Variants in AGAP5 observed in about 807,000 individuals in gnomAD.
AGAP5 encodes ArfGAP with GTPase domain, ankyrin repeat and PH domain 5, also known as arf-GAP with GTPase, ANK repeat and PH domain-containing protein 5.
In AGAP5, 8 loss-of-function variants were observed where a neutral mutation model predicts 27.7. The observed-to-expected ratio is 0.29, with a 90% CI of 0.17 to 0.52. The LOEUF is 0.52. Ranked by LOEUF, AGAP5 falls within the 20% of genes least tolerant of loss-of-function variation. The probability of loss-of-function intolerance (pLI) is 0.97; values close to 1 mark genes in which losing one functional copy is unlikely to be tolerated. For missense variants in AGAP5, 285 were observed against 880.8 expected (o/e 0.32, Z 8.56); for synonymous variants, 111 against 338.0 (o/e 0.33, Z 7.37).
intron 2 of AGAP5, among the ~76,000 whole-genome samples, chr10:73,695,690 T>G (rs1265030646): frequency 1.3e-5 from 2 of 152,136 alleles, no homozygotes; most frequent in Non-Finnish European, 2.9e-5. Flanking sequence ...GAGTCTTAAT[T>G]ATCCTACCTC....
Position 73,674,702 on chromosome 10 carries a change from C to T in AGAP5, c.1958G>A (p.Arg653Gln), listed in dbSNP as rs748253896. 3.5e-5 allele frequency: 57 copies of T among 1,611,912 alleles called. No homozygotes were observed. The East Asian group carries it at 5.6e-4, about 16-fold the overall frequency. The change falls in exon 8 of 8, where the codon CGA becomes CAA. Residue 653 changes from arginine (R) to glutamine (Q), a missense_variant. Transcript: ENST00000374094. ...LIWYGVDVMA[R>Q]DAHGNTALTY... ...CAGCGCTGTGTTCCCGTGGGCATCT[C>T]GGGCCATGACGTCCACCCCGTACCA...
At chr10:73,694,631 G>C (rs922644606) in intron 3 of AGAP5, 105 bp downstream of exon 3, 25 of 1,590,874 alleles carry the variant, frequency 1.6e-5, no homozygotes, top group Non-Finnish European at 1.9e-5. Context: ...CATGTGAAAG[G>C]GTGAAAAATT....
In AGAP5 at chr10:73,676,301, AAAAAAAAG is replaced by A. The variant is rs1241206787; in HGVS notation, c.586-235_586-228del. 1.9e-3 allele frequency among the ~76,000 whole-genome samples: 262 copies of A among 139,946 alleles called. 2 individuals carry two copies. In the East Asian group the frequency reaches 0.022, roughly 12 times the overall value. The allele number at this position is 139,946 out of a possible 152,430, so 91.8% of individuals were successfully genotyped here. A position where few individuals can be genotyped will look rare whatever the true frequency, so the allele number is the denominator to read the frequency against. ...GAAACCCTGTCTTTACAAAAAAAAA[AAAAAAAAG>A]AAAAGAAAAAAGAAAAAAAAATTAG... On this transcript the variant is annotated intron_variant, in intron 7 of 7. Coordinates refer to ENST00000374094, the MANE Select transcript of AGAP5 (RefSeq NM_001144000.4).
At chr10:73,692,120 C>T (rs748271137) in intron 3 of AGAP5, 43 bp from the exon 4 acceptor site, 15 of 1,460,140 alleles carry the variant, frequency 1.0e-5, no homozygotes, top group African/African-American at 1.4e-5. Context: ...ATACAAATAC[C>T]ATAAAATAAA....
intron 3 of AGAP5, 80 bp downstream of exon 3, chr10:73,694,656 T>C (rs1432257486): frequency 4.4e-6 from 7 of 1,589,370 alleles, no homozygotes; most frequent in African/African-American, 1.3e-5. Flanking sequence ...CCAATATGAG[T>C]TTTTCTAAAT....
intron 2 of AGAP5, among the ~76,000 whole-genome samples, chr10:73,696,055 C>G (rs2082159205): frequency 6.6e-6 from 1 of 152,100 alleles, no homozygotes; most frequent in South Asian, 2.1e-4. Flanking sequence ...CTCTGTCACC[C>G]AGGCTGGAGT....
chr10:73,689,443 CG>C (rs1444745740), intron 4 of AGAP5, among the ~76,000 whole-genome samples: 1 of 6,348 alleles, frequency 1.6e-4, no homozygotes, highest in African/African-American at 4.8e-4. Context: ...TCTGCCTGGC[CG>C]CCCCATCGTC....
chr10:73,686,537 GA>G (rs1287890161), intron 4 of AGAP5, among the ~76,000 whole-genome samples: 2 of 152,156 alleles, frequency 1.3e-5, no homozygotes, highest in East Asian at 3.8e-4. Context: ...AAATGCAACA[GA>G]AACAAATAGG....
intron 7 of AGAP5, among the ~76,000 whole-genome samples, chr10:73,676,291 C>A (rs1173126184): frequency 8.5e-3 from 608 of 71,340 alleles, no homozygotes; most frequent in South Asian, 0.012. Flanking sequence ...CCTGTCTTTA[C>A]AAAAAAAAAA....
intron 4 of AGAP5, among the ~76,000 whole-genome samples, chr10:73,685,999 T>C (rs2132449562): frequency 6.6e-6 from 1 of 152,194 alleles, no homozygotes; most frequent in Non-Finnish European, 1.5e-5. Context: ...ATCTATAAAT[T>C]CAATGCAACT....
chr10:73,689,924 G>A (rs1462381394), intron 4 of AGAP5, among the ~76,000 whole-genome samples: 6 of 149,798 alleles, frequency 4.0e-5, no homozygotes, highest in East Asian at 4.0e-4. Flanking sequence ...CTGCCCGGCC[G>A]CCCCTACTGG....
chr10:73,689,157 T>C (rs1188648922), intron 4 of AGAP5, among the ~76,000 whole-genome samples: 1 of 152,230 alleles, frequency 6.6e-6, no homozygotes, highest in Non-Finnish European at 1.5e-5. Flanking sequence ...TGACTGGTGT[T>C]CGTATTTTTT....
chr10:73,689,158 C>T (rs985325715), intron 4 of AGAP5, among the ~76,000 whole-genome samples: 7 of 152,240 alleles, frequency 4.6e-5, no homozygotes, highest in East Asian at 3.8e-4. Context: ...GACTGGTGTT[C>T]GTATTTTTTT....
chr10:73,677,376 C>CT lies in AGAP5; in HGVS notation c.534-607dup, dbSNP rs3998276. On this transcript the variant is annotated intron_variant, in intron 6 of 7. Coordinates refer to ENST00000374094, the MANE Select transcript of AGAP5 (RefSeq NM_001144000.4). ...GAAGGCCTAAGAGGTCATAACTGTT[C>CT]TTTTTTTTTTTTTTTTTTTTTTTTT... Among the ~76,000 whole-genome samples the CT allele has an allele frequency of 1.2e-3, 39 of 32,506 alleles. 1 individual carries two copies. The highest frequency in any genetic ancestry group is 4.5e-3 in the East Asian group (8 of 1,776). 21.3% of individuals were successfully genotyped at this position (32,506 alleles called of 152,430 possible).
intron 4 of AGAP5, among the ~76,000 whole-genome samples, chr10:73,686,321 A>C (rs1197429803): frequency 6.6e-6 from 1 of 152,218 alleles, no homozygotes; most frequent in African/African-American, 2.4e-5. Flanking sequence ...AACCCTATTC[A>C]ACAAATGGTG....
chr10:73,687,302 T>A lies in AGAP5; in HGVS notation c.397-4508A>T, dbSNP rs557332443. Among the ~76,000 whole-genome samples the A allele has an allele frequency of 1.2e-4, 19 of 152,322 alleles. 4 individuals are homozygous for A. The highest frequency in any genetic ancestry group is 4.6e-4 in the African/African-American group (19 of 41,574). On this transcript the variant is annotated intron_variant, in intron 4 of 7. Coordinates refer to ENST00000374094, the MANE Select transcript of AGAP5 (RefSeq NM_001144000.4). Reference sequence around the variant, plus strand: ...CAGGGTCTCCCTTTGTTGCCCAGGCTGGAGTGCAGTGGTGCAATTATAGTT... The same window carrying A: ...CAGGGTCTCCCTTTGTTGCCCAGGCAGGAGTGCAGTGGTGCAATTATAGTT...
intron 4 of AGAP5, among the ~76,000 whole-genome samples, chr10:73,691,281 T>G (rs1201270396): frequency 6.6e-6 from 1 of 152,114 alleles, no homozygotes; most frequent in Non-Finnish European, 1.5e-5. Context: ...GTGAATAATA[T>G]TTGCAGAGTC....
intron 3 of AGAP5, among the ~76,000 whole-genome samples, chr10:73,692,691 C>T (rs905287960): frequency 5.3e-5 from 7 of 131,636 alleles, no homozygotes; most frequent in Admixed American, 8.8e-5. Context: ...CACCTAGGCT[C>T]GAGTGCAGTG....
intron 4 of AGAP5, among the ~76,000 whole-genome samples, chr10:73,690,132 C>T (rs890551952): frequency 9.2e-5 from 14 of 152,244 alleles, no homozygotes; most frequent in African/African-American, 3.1e-4. Context: ...TGAGAACGGG[C>T]CATGATGACA....
Sources: allele counts gnomAD v4.1 joint callset (sites outside exome capture counted in the v4.1 genomes callset), GRCh38; gene constraint gnomAD v4.1.1; transcripts MANE v1.5; gene names NCBI Gene and HGNC (gene_info 2026-07-23, HGNC 2026-07-21).